Variants in TOGARAM1 observed in about 807,000 individuals in gnomAD.
The protein encoded by TOGARAM1 is TOG array regulator of axonemal microtubules protein 1.
In TOGARAM1, 100 loss-of-function variants were observed where a neutral mutation model predicts 166.6. The ratio of observed to expected loss-of-function variants is 0.60; its 90% CI spans 0.51 to 0.71. The LOEUF (loss-of-function observed/expected upper bound fraction) is 0.71. TOGARAM1 is among the 30% of genes least tolerant of loss of function. The pLI is 0.00. For synonymous variants in TOGARAM1, 758 were observed against 763.8 expected, an observed-to-expected ratio of 0.99 and a Z score of 0.13; for missense variants, 2,029 against 2,102.7, an observed-to-expected ratio of 0.96 and a Z score of 0.69.
At chr14:44,987,490 C>A (rs948550763) in intron 1 of TOGARAM1, among the ~76,000 whole-genome samples, 1 of 152,164 alleles carries the variant, frequency 6.6e-6, no homozygotes, top group African/African-American at 2.4e-5. Context: ...GTGCAGCCCA[C>A]AGACACATGA....
intron 1 of TOGARAM1, among the ~76,000 whole-genome samples, chr14:44,990,499 T>A (rs1020501161): frequency 1.3e-5 from 2 of 152,232 alleles, no homozygotes; most frequent in Non-Finnish European, 2.9e-5. Context: ...AGAGGGACAA[T>A]ATATTAGTGA....
chr14:45,045,660 CATAT>C lies in TOGARAM1; in HGVS notation c.4154+795_4154+798del, dbSNP rs1479713619. Among the ~76,000 whole-genome samples the C allele has an allele frequency of 1.2e-4, 10 of 83,178 alleles. 1 individual carries two copies. The highest frequency in any genetic ancestry group is 2.1e-4 in the Non-Finnish European group (10 of 48,040). 54.6% of individuals were successfully genotyped at this position (83,178 alleles called of 152,430 possible). ...ATACATATATATACATATATACACA[CATAT>C]ATATGTGTATATATATACACATATA... On this transcript the variant is annotated intron_variant, in intron 13 of 19. Transcript: ENST00000361462.
chr14:45,063,662 T>C (rs1023380501), intron 16 of TOGARAM1, among the ~76,000 whole-genome samples: 1 of 151,922 alleles, frequency 6.6e-6, no homozygotes, highest in Admixed American at 6.6e-5. Flanking sequence ...GTATTTTTAG[T>C]AGAGACAGGG....
chr14:44,995,847 C>T lies in TOGARAM1; in HGVS notation c.2148C>T (p.Asn716=), dbSNP rs765598852. The change falls in exon 2 of 20, where the codon AAC becomes AAT. Residue 716 remains asparagine (N), a synonymous_variant. Coordinates refer to ENST00000361462, the MANE Select transcript of TOGARAM1 (RefSeq NM_001308120.2). ...LCFSRKRVSR[N]LFQNSRDFNP... ...TTAGCAGAAAAAGAGTATCAAGAAA[C>T]TTATTTCAGAATAGTCGGGATTTTA... 2.0e-5 allele frequency: 33 copies of T among 1,610,584 alleles called. No homozygotes were observed. Among genetic ancestry groups the T allele is most frequent in the Non-Finnish European group, 2.5e-5 (30 of 1,178,900 alleles).
chr14:45,061,726 T>A (rs1471905671), intron 16 of TOGARAM1, among the ~76,000 whole-genome samples: 2 of 151,626 alleles, frequency 1.3e-5, no homozygotes, highest in Non-Finnish European at 2.9e-5. Context: ...TTGGTGATGA[T>A]GATGTGTGAT....
In TOGARAM1 at chr14:44,999,466, C is replaced by A; in HGVS notation, c.2307C>A (p.Phe769Leu). 4 of 1,611,318 alleles carry A rather than the reference C, an allele frequency of 2.5e-6. 1 individual carries two copies. In the South Asian group the frequency reaches 3.3e-5, roughly 13 times the overall value. Reference sequence around the variant, plus strand: ...GCAGTGTGGGTTCTGACTTACAATTCCTAGGGACAACTAGCAGTCATCAAG... The same window carrying A: ...GCAGTGTGGGTTCTGACTTACAATTACTAGGGACAACTAGCAGTCATCAAG... ...KTGSVGSDLQFLGTTSSHQEK... is the reference protein window; with the variant it reads ...KTGSVGSDLQLLGTTSSHQEK... The change falls in exon 3 of 20, where the codon TTC (phenylalanine) becomes TTA (leucine). Residue 769 changes from phenylalanine (F) to leucine (L), a missense_variant. Phe to Leu is a conservative substitution (Grantham distance 22). Around this residue, in one of 2 missense-constraint regions of TOGARAM1, gnomAD observed 1,453 missense variants for 1,432.2 expected, o/e 1.01. Coordinates refer to ENST00000361462, the MANE Select transcript of TOGARAM1 (RefSeq NM_001308120.2).
chr14:45,023,197 C>T (rs890448319), intron 7 of TOGARAM1, among the ~76,000 whole-genome samples: 1 of 152,156 alleles, frequency 6.6e-6, no homozygotes, highest in Non-Finnish European at 1.5e-5. Context: ...TGGGATCAGT[C>T]AAGGGAACCT....
intron 19 of TOGARAM1, 45 bp from the exon 20 acceptor site, chr14:45,073,251 T>A: frequency 1.3e-6 from 2 of 1,549,048 alleles, no homozygotes; most frequent in Non-Finnish European, 1.7e-6. Context: ...AGCTTGGGCT[T>A]ATTTATTAAG....
chr14:44,979,538 G>A (rs991447227), intron 1 of TOGARAM1, among the ~76,000 whole-genome samples: 1 of 152,140 alleles, frequency 6.6e-6, no homozygotes, highest in African/African-American at 2.4e-5. Context: ...TGATTTTTAA[G>A]GGGACACTTA....
chr14:44,999,347 T>C lies in TOGARAM1; in HGVS notation c.2204-16T>C, dbSNP rs1039326170. Reference sequence around the variant, plus strand: ...AACTTTTGCTTTTATGTTTTCTCCCTTCCTTTCTTCAAAAGGTACTACTGG... The same window carrying C: ...AACTTTTGCTTTTATGTTTTCTCCCCTCCTTTCTTCAAAAGGTACTACTGG... On this transcript the variant is annotated splice_polypyrimidine_tract_variant and intron_variant, in intron 2 of 19. Transcript: ENST00000361462. The C allele has an allele frequency of 6.5e-7, 1 of 1,536,166 alleles. No individual in the cohort carries two copies. Among genetic ancestry groups the C allele is most frequent in the Non-Finnish European group, 8.8e-7 (1 of 1,136,940 alleles).
At chr14:45,048,294 G>A (rs1170761117) in intron 14 of TOGARAM1, among the ~76,000 whole-genome samples, 1 of 103,246 alleles carries the variant, frequency 9.7e-6, no homozygotes, top group Non-Finnish European at 1.8e-5. Context: ...CCAGCCTAGA[G>A]ACAGAGCAAG....
At chr14:44,964,527 G>A (rs528263764) in intron 1 of TOGARAM1, 60 bp downstream of exon 1, 48 of 1,496,298 alleles carry the variant, frequency 3.2e-5, no homozygotes, top group Non-Finnish European at 4.0e-5. Context: ...AAATATGCCC[G>A]TGATGACTTA....
chr14:45,023,611 AG>A (rs1403839143), intron 7 of TOGARAM1, among the ~76,000 whole-genome samples: 1 of 152,174 alleles, frequency 6.6e-6, no homozygotes, highest in African/African-American at 2.4e-5. Flanking sequence ...CTCGTCCCTC[AG>A]ACCTGTGTAA....
In TOGARAM1 at chr14:44,967,695, T is replaced by G. The variant is rs947098729; in HGVS notation, c.2046+3228T>G. ...CAAACACAAGGGGCCTAGTGGGAAG[T>G]AGCAGATGATACTGGAGATGTAGAT... On this transcript the variant is annotated intron_variant, in intron 1 of 19. Coordinates refer to ENST00000361462, the MANE Select transcript of TOGARAM1 (RefSeq NM_001308120.2). 2.6e-5 allele frequency among the ~76,000 whole-genome samples: 4 copies of G among 152,172 alleles called. No homozygotes were observed. The East Asian group carries it at 7.7e-4, about 29-fold the overall frequency.
chr14:45,017,396 A>T (rs887388413), intron 7 of TOGARAM1, among the ~76,000 whole-genome samples: 3 of 145,940 alleles, frequency 2.1e-5, no homozygotes, highest in African/African-American at 8.2e-5. Context: ...CACCAGATAC[A>T]TGCACACAAA....
In TOGARAM1 at chr14:44,962,925, G is replaced by A. The variant is rs1806375462; in HGVS notation, c.504G>A (p.Glu168=). 1 of 1,614,118 alleles carries A rather than the reference G, an allele frequency of 6.2e-7. No individual in the cohort carries two copies. The highest frequency in any genetic ancestry group is 8.5e-7 in the Non-Finnish European group (1 of 1,180,052). The change falls in exon 1 of 20, where the codon GAG becomes GAA. Residue 168 remains glutamate, a synonymous_variant. Coordinates refer to ENST00000361462, the MANE Select transcript of TOGARAM1 (RefSeq NM_001308120.2). Reference sequence around the variant, plus strand: ...CGGACGTTCTCCGGGGTCAGGGGGAGGCAGGCCAGCTTGAAGAGGCCTTTA... The same window carrying A: ...CGGACGTTCTCCGGGGTCAGGGGGAAGCAGGCCAGCTTGAAGAGGCCTTTA... ...LLSDVLRGQG[E]AGQLEEAFSL...
chr14:45,063,581 G>T (rs952767255), intron 16 of TOGARAM1, among the ~76,000 whole-genome samples: 1 of 148,206 alleles, frequency 6.7e-6, no homozygotes, highest in Non-Finnish European at 1.5e-5. Flanking sequence ...CCAGGTTCAA[G>T]CAGTTCTCCT....
At chr14:45,036,130 T>TC (rs1881422597) in intron 11 of TOGARAM1, among the ~76,000 whole-genome samples, 5 of 29,180 alleles carry the variant, frequency 1.7e-4, no homozygotes, top group African/African-American at 4.1e-4. Flanking sequence ...ACCTTGTCTC[T>TC]AAAAAAAAAA....
chr14:44,968,265 A>T (rs1329680758), intron 1 of TOGARAM1, among the ~76,000 whole-genome samples: 1 of 152,114 alleles, frequency 6.6e-6, no homozygotes, highest in African/African-American at 2.4e-5. Flanking sequence ...TTTATTTTTT[A>T]TTTATTTATT....
Sources: gnomAD v4.1 joint callset for allele counts (sites outside exome capture counted in the v4.1 genomes callset) on GRCh38, gnomAD v4.1.1 for gene constraint, gnomAD v4.1.1 regional missense constraint, MANE v1.5 for transcripts, NCBI Gene and HGNC (gene_info 2026-07-23, HGNC 2026-07-21) for gene names.